Variants in BICD1 observed in about 807,000 individuals in gnomAD.
The protein encoded by BICD1 is protein bicaudal D homolog 1.
In BICD1, 35 loss-of-function variants were observed where a neutral mutation model predicts 92.5. That is an observed-to-expected ratio of 0.38 (90% CI 0.29 to 0.50). BICD1 has a LOEUF of 0.50. BICD1 is among the 20% of genes least tolerant of loss of function. BICD1 has a pLI of 0.93. For missense variants in BICD1, 950 were observed against 1,189.8 expected (o/e 0.80, Z 2.97); for synonymous variants, 429 against 465.1 (o/e 0.92, Z 1.00).
At chr12:32,312,692 A>G (rs887676939) in intron 4 of BICD1, among the ~76,000 whole-genome samples, 2 of 152,214 alleles carry the variant, frequency 1.3e-5, no homozygotes, top group African/African-American at 2.4e-5. Flanking sequence ...TTAGCTAATC[A>G]TGCTAAGTTT....
chr12:32,256,128 C>A (rs1946712697), intron 2 of BICD1, among the ~76,000 whole-genome samples: 1 of 152,142 alleles, frequency 6.6e-6, no homozygotes, highest in East Asian at 1.9e-4. Context: ...TCATAGCTCA[C>A]TGCAACCTTG....
At chr12:32,252,916 G>T (rs772854425) in intron 2 of BICD1, among the ~76,000 whole-genome samples, 1 of 151,994 alleles carries the variant, frequency 6.6e-6, no homozygotes, top group Non-Finnish European at 1.5e-5. Flanking sequence ...CTGTCATCCC[G>T]GCTGGAGTGC....
At position 32,261,925 on chromosome 12, in the gene BICD1, C is replaced by T. The variant is rs111840971; in HGVS notation, c.427-32069C>T. Among the ~76,000 whole-genome samples, 1,439 of 152,306 alleles carry T rather than the reference C, an allele frequency of 9.4e-3. 15 individuals are homozygous for T. The highest frequency in any genetic ancestry group is 0.023 in the African/African-American group (945 of 41,556). ...CATGTTTGTGAGTCCAGGAAGACAA[C>T]TCATGGGAGCTCTCAGAAATAATTG... is the stretch of plus-strand genomic sequence containing the variant. On this transcript the variant is annotated intron_variant, in intron 2 of 9. Transcript: ENST00000652176.
chr12:32,133,643 G>A (rs978334324), intron 1 of BICD1, among the ~76,000 whole-genome samples: 1 of 152,202 alleles, frequency 6.6e-6, no homozygotes, highest in Middle Eastern at 3.4e-3. Flanking sequence ...TATTAAGTGT[G>A]GAGCCATATT....
At chr12:32,233,438 C>G (rs542066667) in intron 2 of BICD1, among the ~76,000 whole-genome samples, 14 of 151,692 alleles carry the variant, frequency 9.2e-5, no homozygotes, top group Non-Finnish European at 1.5e-4. Context: ...AAGCAGCCTA[C>G]TTTTTAAAAT....
In BICD1 at chr12:32,327,784, A is replaced by C; in HGVS notation, c.1329A>C (p.Lys443Asn). Residue 443 changes from lysine to asparagine, a missense_variant, in exon 5 of 10, where the codon AAA (lysine) becomes AAC (asparagine). Physicochemically the swap from Lys to Asn is moderately conservative, Grantham distance 94. Around this residue, in one of 5 missense-constraint regions of BICD1, gnomAD observed 309 missense variants for 499.4 expected, o/e 0.62. Transcript: ENST00000652176. ...AGGCCTTAAAGGAGAAATATAATAA[A>C]TCTGTAGAAAACTACACTGATGAGA... is the stretch of plus-strand genomic sequence containing the variant. ...EIKALKEKYN[K>N]SVENYTDEKA... 1 of 1,614,084 alleles carries C rather than the reference A, an allele frequency of 6.2e-7. No homozygotes were observed. Among genetic ancestry groups the C allele is most frequent in the Non-Finnish European group, 8.5e-7 (1 of 1,179,994 alleles).
chr12:32,174,512 AAG>A (rs1944038380), intron 1 of BICD1, among the ~76,000 whole-genome samples: 1 of 152,114 alleles, frequency 6.6e-6, no homozygotes, highest in African/African-American at 2.4e-5. Flanking sequence ...CCAAAAAAAA[AAG>A]AGAAAAAATT....
intron 8 of BICD1, among the ~76,000 whole-genome samples, chr12:32,358,686 G>A (rs1384547511): frequency 6.6e-6 from 1 of 151,966 alleles, no homozygotes; most frequent in African/African-American, 2.4e-5. Flanking sequence ...GCAGTGAGCC[G>A]AGATTGCACC....
At chr12:32,229,446 G>A (rs1254902278) in intron 2 of BICD1, among the ~76,000 whole-genome samples, 1 of 152,058 alleles carries the variant, frequency 6.6e-6, no homozygotes, top group Non-Finnish European at 1.5e-5. Flanking sequence ...TAGTAGTGAG[G>A]TAGAAAGAAG....
At chr12:32,255,167 A>G (rs1946681278) in intron 2 of BICD1, among the ~76,000 whole-genome samples, 1 of 152,086 alleles carries the variant, frequency 6.6e-6, no homozygotes, top group African/African-American at 2.4e-5. Context: ...CTGTGCTTGC[A>G]TGGAGAGAAA....
chr12:32,226,814 A>C (rs374692224), intron 2 of BICD1, among the ~76,000 whole-genome samples: 1 of 152,262 alleles, frequency 6.6e-6, no homozygotes, highest in Non-Finnish European at 1.5e-5. Context: ...AGGTAAGTAC[A>C]GGGGCTTCCT....
chr12:32,247,114 C>T (rs1439780962), intron 2 of BICD1, among the ~76,000 whole-genome samples: 6 of 151,188 alleles, frequency 4.0e-5, no homozygotes, highest in East Asian at 2.0e-4. Flanking sequence ...AAAATTAGCC[C>T]GGTATGGTGG....
chr12:32,254,443 A>G (rs1409931169), intron 2 of BICD1, among the ~76,000 whole-genome samples: 3 of 152,262 alleles, frequency 2.0e-5, no homozygotes, highest in Non-Finnish European at 4.4e-5. Flanking sequence ...GTAGGTGCTC[A>G]GTGAATATTT....
chr12:32,155,330 T>C (rs1943407175), intron 1 of BICD1, among the ~76,000 whole-genome samples: 1 of 152,200 alleles, frequency 6.6e-6, no homozygotes, highest in African/African-American at 2.4e-5. Context: ...TGCCATAAGG[T>C]AGAGAGACTA....
intron 2 of BICD1, among the ~76,000 whole-genome samples, chr12:32,236,150 T>C (rs1750817824): frequency 6.6e-6 from 1 of 151,538 alleles, no homozygotes; most frequent in African/African-American, 2.4e-5. Context: ...ATCCCAGCAC[T>C]TTGGGAGGCT....
intron 2 of BICD1, chr12:32,228,236 G>GT (rs1945763565): frequency 6.5e-6 from 1 of 152,754 alleles, no homozygotes; most frequent in South Asian, 2.1e-4. Flanking sequence ...TTAGATTGAG[G>GT]TTCCTTTTTT....
intron 3 of BICD1, among the ~76,000 whole-genome samples, chr12:32,297,767 T>C (rs1359022342): frequency 6.6e-6 from 1 of 152,222 alleles, no homozygotes; most frequent in African/African-American, 2.4e-5. Flanking sequence ...AGTGTAATTA[T>C]TGTTTAAAAA....
intron 1 of BICD1, among the ~76,000 whole-genome samples, chr12:32,203,005 A>G (rs1293231627): frequency 6.6e-6 from 1 of 152,170 alleles, no homozygotes; most frequent in East Asian, 1.9e-4. Context: ...TCTTATGACC[A>G]TTAGTGGGAC....
chr12:32,164,611 T>A (rs1943700282), intron 1 of BICD1, among the ~76,000 whole-genome samples: 1 of 152,194 alleles, frequency 6.6e-6, no homozygotes, highest in Non-Finnish European at 1.5e-5. Flanking sequence ...TGGAGGCAAG[T>A]AGGGTACTTA....
Sources: allele counts gnomAD v4.1 joint callset (sites outside exome capture counted in the v4.1 genomes callset), GRCh38; gene constraint gnomAD v4.1.1; regional missense constraint gnomAD v4.1.1; transcripts MANE v1.5; gene names NCBI Gene and HGNC (gene_info 2026-07-23, HGNC 2026-07-21).